Variants in NEUROD2 observed in about 807,000 individuals in gnomAD.
NEUROD2 encodes the protein neuronal differentiation 2, also known as neurogenic differentiation factor 2.
Under a neutral mutation model 9.3 loss-of-function variants are expected in NEUROD2, and 5 were observed. The ratio of observed to expected loss-of-function variants is 0.54; its 90% CI spans 0.28 to 1.13. The LOEUF (loss-of-function observed/expected upper bound fraction) is 1.13, where lower values mean the gene tolerates loss of function less well. NEUROD2 is among the 50% of genes most tolerant of loss of function. The pLI is 0.10. For missense variants in NEUROD2, 376 were observed against 549.2 expected (o/e 0.68, Z 3.15); for synonymous variants, 277 against 257.3 (o/e 1.08, Z -0.73).
At chr17:39,607,516 C>A (rs562273385) in intron 1 of NEUROD2, 18 of 720,404 alleles carry the variant, frequency 2.5e-5, no homozygotes, top group South Asian at 1.9e-4. Flanking sequence ...CCTTCCCCCC[C>A]CACCGAGCCC....
rs1167883659 is a variant in NEUROD2 at position 39,605,838 on chromosome 17, G to A, written c.762C>T (p.Ala254=). The change falls in exon 2 of 2, where the codon GCC becomes GCT. Residue 254 remains alanine, a synonymous_variant. Transcript: ENST00000302584. This position sits in a 1 kb window ranked among gnomAD's most constrained non-coding sequence, Gnocchi z 6.8. ...GCGCCGCGCCGCCGCCCAGGCCGCC[G>A]GCCGCCTGGCACTGTGCGCCCGCCA... is the stretch of plus-strand genomic sequence containing the variant. ...SRLAGAQCQA[A]GGLGGGAAHA... is the part of the protein sequence containing the mutation. 6 of 1,374,178 alleles carry A rather than the reference G, an allele frequency of 4.4e-6. No homozygotes were observed. In the South Asian group the frequency reaches 1.1e-4, roughly 25 times the overall value. The allele number at this position is 1,374,178 out of a possible 1,614,324, so 85.1% of individuals were successfully genotyped here.
rs927113049 is a variant in NEUROD2 at position 39,605,742 on chromosome 17, C to A, written c.858G>T (p.Ala286=). Residue 286 remains alanine (A), a synonymous_variant, in exon 2 of 2, where the codon GCG becomes GCT. Transcript: ENST00000302584. This position sits in a 1 kb window ranked among gnomAD's most constrained non-coding sequence, Gnocchi z 6.8. ...TLYAAAGGGG[A]SPDYNSSEYE... is the part of the protein sequence containing the mutation. ...ACTCGGAGCTGTTGTAGTCCGGGCT[C>A]GCGCCGCCACCGCCTGCCGCCGCAT... 24 of 1,501,192 alleles carry A rather than the reference C, an allele frequency of 1.6e-5. No homozygotes were observed. Among genetic ancestry groups the A allele is most frequent in the Non-Finnish European group, 2.0e-5 (22 of 1,126,262 alleles). The allele number at this position is 1,501,192 out of a possible 1,614,324, so 93.0% of individuals were successfully genotyped here. A position where few individuals can be genotyped will look rare whatever the true frequency, so the allele number is the denominator to read the frequency against.
Position 39,607,714 on chromosome 17 carries a change from T to C in NEUROD2, c.-6+14A>G, listed in dbSNP as rs1005693473. 47 of 873,868 alleles carry C rather than the reference T, an allele frequency of 5.4e-5. No homozygotes were observed. The highest frequency in any genetic ancestry group is 6.3e-5 in the Non-Finnish European group (46 of 728,570). The allele number at this position is 873,868 out of a possible 1,614,324, so 54.1% of individuals were successfully genotyped here. On this transcript the variant is annotated intron_variant, in intron 1 of 1. Coordinates refer to ENST00000302584, the MANE Select transcript of NEUROD2 (RefSeq NM_006160.4). The stretch of plus-strand genomic sequence containing the variant: ...ACCGGCGGGTCAGATCTCGCTCCCT[T>C]TCGGACAACTTACCTCGGAGAGGAG...
Position 39,605,368 on chromosome 17 carries a change from ATGGGGGTG to A in NEUROD2, c.*75_*82del. 6.9e-7 allele frequency: 1 copy of A among 1,439,792 alleles called. No individual in the cohort carries two copies. Among genetic ancestry groups the A allele is most frequent in the Non-Finnish European group, 9.2e-7 (1 of 1,090,010 alleles). The allele number at this position is 1,439,792 out of a possible 1,614,324, so 89.2% of individuals were successfully genotyped here. A position where few individuals can be genotyped will look rare whatever the true frequency, so the allele number is the denominator to read the frequency against. On this transcript the variant is annotated 3_prime_UTR_variant, in exon 2 of 2. Coordinates refer to ENST00000302584, the MANE Select transcript of NEUROD2 (RefSeq NM_006160.4). The surrounding 1 kb of genome is among the most constrained non-coding windows in gnomAD (Gnocchi z 6.8). Reference sequence around the variant, plus strand: ...TCCCCGCGCCCGGCGCCGGGGTAGGATGGGGGTGTCCCTGCGCTCTGGGGGCTGGGGAC... The same window carrying A: ...TCCCCGCGCCCGGCGCCGGGGTAGGATCCCTGCGCTCTGGGGGCTGGGGAC...
Position 39,605,529 on chromosome 17 carries a change from A to T in NEUROD2, c.1071T>A (p.Asn357Lys). 3 of 1,613,258 alleles carry T rather than the reference A, an allele frequency of 1.9e-6. No individual in the cohort carries two copies. Among genetic ancestry groups the T allele is most frequent in the Non-Finnish European group, 2.5e-6 (3 of 1,179,728 alleles). ...SAVRGGVHSENLLSYDMHLHH... is the reference protein window; with the variant it reads ...SAVRGGVHSEKLLSYDMHLHH... ...GAAGGTGCATATCGTAAGACAAGAGATTCTCCGAGTGGACGCCCCCGCGCA... is the reference window on the plus strand; with the variant it reads ...GAAGGTGCATATCGTAAGACAAGAGTTTCTCCGAGTGGACGCCCCCGCGCA... The change falls in exon 2 of 2, where the codon AAT (asparagine) becomes AAA (lysine). Residue 357 changes from asparagine to lysine, a missense_variant. Physicochemically the swap from Asn to Lys is moderately conservative, Grantham distance 94 (BLOSUM62 0). This residue lies in a region of NEUROD2 where 193 missense variants were observed against 255.8 expected (regional missense o/e 0.75). Coordinates refer to ENST00000302584, the MANE Select transcript of NEUROD2 (RefSeq NM_006160.4). This position sits in a 1 kb window ranked among gnomAD's most constrained non-coding sequence, Gnocchi z 6.8.
rs1018859558 is a variant in NEUROD2 at position 39,605,172 on chromosome 17, G to A, written c.*279C>T. 3.3e-5 allele frequency: 11 copies of A among 336,792 alleles called. No homozygotes were observed. Among genetic ancestry groups the A allele is most frequent in the Non-Finnish European group, 4.8e-5 (9 of 186,022 alleles). 20.9% of individuals were successfully genotyped at this position (336,792 alleles called of 1,614,324 possible). On this transcript the variant is annotated 3_prime_UTR_variant, in exon 2 of 2. Coordinates refer to ENST00000302584, the MANE Select transcript of NEUROD2 (RefSeq NM_006160.4). This position sits in a 1 kb window ranked among gnomAD's most constrained non-coding sequence, Gnocchi z 6.8. ...GGGAATGGGGGAGGGGTGCCTCCAG[G>A]GAGCCCCCGGAGAGAGGTCCCTGGA...
intron 1 of NEUROD2, 66 bp downstream of exon 1, chr17:39,607,662 C>CG: frequency 1.0e-6 from 1 of 982,142 alleles, no homozygotes; most frequent in Non-Finnish European, 1.2e-6. Context: ...ACCCTCCTGT[C>CG]GGCCGAAGCT....
chr17:39,604,855 T>C lies in NEUROD2; in HGVS notation c.*596A>G, dbSNP rs1202383570. 1.4e-5 allele frequency: 2 copies of C among 147,100 alleles called. No homozygotes were observed. Among genetic ancestry groups the C allele is most frequent in the Non-Finnish European group, 3.0e-5 (2 of 67,132 alleles). The allele number at this position is 147,100 out of a possible 1,614,324, so 9.1% of individuals were successfully genotyped here. ...AAACGGATTCTAGTTACAAATTGTCTTGGCCTCTCTCTTTCCTCTCAATCC... is the reference window on the plus strand; with the variant it reads ...AAACGGATTCTAGTTACAAATTGTCCTGGCCTCTCTCTTTCCTCTCAATCC... On this transcript the variant is annotated 3_prime_UTR_variant, in exon 2 of 2. Transcript: ENST00000302584.
In NEUROD2 at chr17:39,606,575, G is replaced by T. The variant is rs1470550290; in HGVS notation, c.25C>A (p.Pro9Thr). 5 of 1,583,478 alleles carry T rather than the reference G, an allele frequency of 3.2e-6. No individual in the cohort carries two copies. In the African/African-American group the frequency reaches 4.1e-5, roughly 13 times the overall value. MLTRLFSE[P>T]GLLSDVPKFA... The stretch of plus-strand genomic sequence containing the variant: ...TTGGGCACGTCCGAGAGAAGGCCGG[G>T]CTCGCTGAACAGGCGGGTCAGCATG... The change falls in exon 2 of 2, where the codon CCC (proline) becomes ACC (threonine). Residue 9 changes from proline (P) to threonine (T), a missense_variant. Pro to Thr is a conservative substitution (Grantham distance 38). Transcript: ENST00000302584. The surrounding 1 kb of genome is among the most constrained non-coding windows in gnomAD (Gnocchi z 7.8).
In NEUROD2 at chr17:39,606,964, A is replaced by C. The variant is rs2056771839; in HGVS notation, c.-5-360T>G. ...AGGGGAGGCGGCGCGCTCGCCCTGA[A>C]AGCCCGTTCTCTCCTGGCGGTGGAG... On this transcript the variant is annotated intron_variant, in intron 1 of 1. Transcript: ENST00000302584. The surrounding 1 kb of genome is among the most constrained non-coding windows in gnomAD (Gnocchi z 7.8). 5 of 200,096 alleles carry C rather than the reference A, an allele frequency of 2.5e-5. No individual in the cohort carries two copies. Among genetic ancestry groups the C allele is most frequent in the African/African-American group, 2.3e-5 (1 of 42,800 alleles). The allele number at this position is 200,096 out of a possible 1,614,324, so 12.4% of individuals were successfully genotyped here.
rs934095941 is a variant in NEUROD2 at position 39,604,024 on chromosome 17, G to A, written c.*1427C>T. 6.5e-6 allele frequency: 1 copy of A among 152,694 alleles called. No individual in the cohort carries two copies. Among genetic ancestry groups the A allele is most frequent in the Non-Finnish European group, 1.5e-5 (1 of 68,040 alleles). The allele number at this position is 152,694 out of a possible 1,614,324, so 9.5% of individuals were successfully genotyped here. A position where few individuals can be genotyped will look rare whatever the true frequency, so the allele number is the denominator to read the frequency against. On this transcript the variant is annotated 3_prime_UTR_variant, in exon 2 of 2. Coordinates refer to ENST00000302584, the MANE Select transcript of NEUROD2 (RefSeq NM_006160.4). ...CCCCTTTTTGGGGGAACCTCCAGTAGGAGCCCTCAGACCTCTCCCCGCCCA... is the reference window on the plus strand; with the variant it reads ...CCCCTTTTTGGGGGAACCTCCAGTAAGAGCCCTCAGACCTCTCCCCGCCCA...
Position 39,604,833 on chromosome 17 carries a change from C to T in NEUROD2, c.*618G>A, listed in dbSNP as rs2056760471. 8.9e-6 allele frequency: 1 copy of T among 111,880 alleles called. No individual in the cohort carries two copies. Among genetic ancestry groups the T allele is most frequent in the African/African-American group, 3.5e-5 (1 of 28,890 alleles). The allele number at this position is 111,880 out of a possible 1,614,324, so 6.9% of individuals were successfully genotyped here. On this transcript the variant is annotated 3_prime_UTR_variant, in exon 2 of 2. Coordinates refer to ENST00000302584, the MANE Select transcript of NEUROD2 (RefSeq NM_006160.4). Reference sequence around the variant, plus strand: ...GTTTAAAAAAAGGAAAAGGGAAAAACGGATTCTAGTTACAAATTGTCTTGG... The same window carrying T: ...GTTTAAAAAAAGGAAAAGGGAAAAATGGATTCTAGTTACAAATTGTCTTGG...
Position 39,605,426 on chromosome 17 carries a change from A to G in NEUROD2, c.*25T>C. The stretch of plus-strand genomic sequence containing the variant: ...CAGGGGGGCGGGCAAAGGCAAAAGA[A>G]AAAGAAGGGAGCCGGCGCGAAGTCT... On this transcript the variant is annotated 3_prime_UTR_variant, in exon 2 of 2. Transcript: ENST00000302584. The surrounding 1 kb of genome is among the most constrained non-coding windows in gnomAD (Gnocchi z 6.8). 6.5e-7 allele frequency: 1 copy of G among 1,527,294 alleles called. No individual in the cohort carries two copies. The highest frequency in any genetic ancestry group is 1.4e-5 in the African/African-American group (1 of 72,650). 94.6% of individuals were successfully genotyped at this position (1,527,294 alleles called of 1,614,324 possible).
chr17:39,606,437 C>G lies in NEUROD2; in HGVS notation c.163G>C (p.Ala55Pro), dbSNP rs1228606961. 2 of 1,518,538 alleles carry G rather than the reference C, an allele frequency of 1.3e-6. No individual in the cohort carries two copies. The highest frequency in any genetic ancestry group is 4.9e-5 in the East Asian group (2 of 40,570). 94.1% of individuals were successfully genotyped at this position (1,518,538 alleles called of 1,614,324 possible). ...TCTCCACGGAGAGGGACTGGCTTGG[C>G]CGCCCGGGCTGGCCCCGGAGCCCCT... ...GPGAPGPARA[A>P]KPVPLRGEEG... is the part of the protein sequence containing the mutation. Residue 55 changes from alanine (A) to proline (P), a missense_variant, in exon 2 of 2, where the codon GCC becomes CCC. By Grantham distance (27) the Ala-to-Pro change is conservative (BLOSUM62 -1). Around this residue, in one of 3 missense-constraint regions of NEUROD2, gnomAD observed 134 missense variants for 133.6 expected, o/e 1.00. Transcript: ENST00000302584. This position sits in a 1 kb window ranked among gnomAD's most constrained non-coding sequence, Gnocchi z 7.8.
Position 39,605,795 on chromosome 17 carries a change from C to T in NEUROD2, c.805G>A (p.Gly269Ser). 1 of 1,397,416 alleles carries T rather than the reference C, an allele frequency of 7.2e-7. No individual in the cohort carries two copies. The highest frequency in any genetic ancestry group is 9.2e-7 in the Non-Finnish European group (1 of 1,081,582). The allele number at this position is 1,397,416 out of a possible 1,614,324, so 86.6% of individuals were successfully genotyped here. ...AGCGTCTCGTAGGCGGCGCAGTAGC[C>T]GTGGGTCCGCAGGGCGTGCGCCGCG... ...GGAAHALRTH[G>S]YCAAYETLYA... The change falls in exon 2 of 2, where the codon GGC (glycine) becomes AGC (serine). Residue 269 changes from glycine (G) to serine (S), a missense_variant. Gly to Ser is a moderately conservative substitution (Grantham distance 56). Transcript: ENST00000302584. This position sits in a 1 kb window ranked among gnomAD's most constrained non-coding sequence, Gnocchi z 6.8.
In NEUROD2 at chr17:39,606,458, C is replaced by T. The variant is rs1212714069; in HGVS notation, c.142G>A (p.Ala48Thr). The T allele has an allele frequency of 2.6e-6, 4 of 1,529,964 alleles. No individual in the cohort carries two copies. The African/African-American group carries it at 5.5e-5, about 21-fold the overall frequency. 94.8% of individuals were successfully genotyped at this position (1,529,964 alleles called of 1,614,324 possible). A position where few individuals can be genotyped will look rare whatever the true frequency, so the allele number is the denominator to read the frequency against. Residue 48 changes from alanine to threonine, a missense_variant, in exon 2 of 2, where the codon GCT becomes ACT. Physicochemically the swap from Ala to Thr is moderately conservative, Grantham distance 58 (BLOSUM62 0). Coordinates refer to ENST00000302584, the MANE Select transcript of NEUROD2 (RefSeq NM_006160.4). The surrounding 1 kb of genome is among the most constrained non-coding windows in gnomAD (Gnocchi z 7.8). ...PPPPPAPGPGAPGPARAAKPV... is the reference protein window; with the variant it reads ...PPPPPAPGPGTPGPARAAKPV... Reference sequence around the variant, plus strand: ...TTGGCCGCCCGGGCTGGCCCCGGAGCCCCTGGCCCGGGCGCAGGCGGTGGC... The same window carrying T: ...TTGGCCGCCCGGGCTGGCCCCGGAGTCCCTGGCCCGGGCGCAGGCGGTGGC...
chr17:39,605,265 A>C lies in NEUROD2; in HGVS notation c.*186T>G. On this transcript the variant is annotated 3_prime_UTR_variant, in exon 2 of 2. Transcript: ENST00000302584. This position sits in a 1 kb window ranked among gnomAD's most constrained non-coding sequence, Gnocchi z 6.8. ...GAGAGAAGGCGAGTCCCCTGGGGGA[A>C]GCGAGGCCCCTGGGACAGGCCACCC... 1.5e-6 allele frequency: 1 copy of C among 662,824 alleles called. No homozygotes were observed. The highest frequency in any genetic ancestry group is 2.4e-6 in the Non-Finnish European group (1 of 414,212). 41.1% of individuals were successfully genotyped at this position (662,824 alleles called of 1,614,324 possible).
Position 39,605,763 on chromosome 17 carries a change from C to A in NEUROD2, c.837G>T (p.Ala279=), listed in dbSNP as rs1234662584. 1.4e-6 allele frequency: 2 copies of A among 1,477,962 alleles called. No homozygotes were observed. The highest frequency in any genetic ancestry group is 1.8e-4 in the Middle Eastern group (1 of 5,542). 91.6% of individuals were successfully genotyped at this position (1,477,962 alleles called of 1,614,324 possible). Reference sequence around the variant, plus strand: ...GGCTCGCGCCGCCACCGCCTGCCGCCGCATACAGCGTCTCGTAGGCGGCGC... The same window carrying A: ...GGCTCGCGCCGCCACCGCCTGCCGCAGCATACAGCGTCTCGTAGGCGGCGC... ...GYCAAYETLY[A]AAGGGGASPD... Residue 279 remains alanine, a synonymous_variant, in exon 2 of 2, where the codon GCG becomes GCT. Transcript: ENST00000302584. This position sits in a 1 kb window ranked among gnomAD's most constrained non-coding sequence, Gnocchi z 6.8.
chr17:39,605,322 G>A lies in NEUROD2; in HGVS notation c.*129C>T. ...AACAGGACTGCGCTGCCCCAGGAGA[G>A]CGGCAGGACCGGTGGCCCGCTCCCC... is the stretch of plus-strand genomic sequence containing the variant. On this transcript the variant is annotated 3_prime_UTR_variant, in exon 2 of 2. Transcript: ENST00000302584. The surrounding 1 kb of genome is among the most constrained non-coding windows in gnomAD (Gnocchi z 6.8). 1 of 1,260,208 alleles carries A rather than the reference G, an allele frequency of 7.9e-7. No homozygotes were observed. The allele number at this position is 1,260,208 out of a possible 1,614,324, so 78.1% of individuals were successfully genotyped here. A position where few individuals can be genotyped will look rare whatever the true frequency, so the allele number is the denominator to read the frequency against.
Sources: allele counts gnomAD v4.1 joint callset, GRCh38; gene constraint gnomAD v4.1.1; regional missense constraint gnomAD v4.1.1; non-coding constraint Gnocchi (gnomAD v3.1); transcripts MANE v1.5; gene names NCBI Gene and HGNC (gene_info 2026-07-23, HGNC 2026-07-21).